CTIF: variants seen among roughly 807,000 people sequenced by gnomAD.
CTIF encodes CBP80/20-dependent translation initiation factor.
Under a neutral mutation model 66.0 loss-of-function variants are expected in CTIF, and 21 were observed. The observed-to-expected ratio is 0.32, with a 90% CI of 0.23 to 0.46. CTIF has a LOEUF of 0.46. Among genes scored for constraint, CTIF ranks in the 20% least tolerant of loss-of-function variants. The probability of loss-of-function intolerance (pLI) is 1.00; values close to 1 mark genes in which losing one functional copy is unlikely to be tolerated. For missense variants in CTIF, 739 were observed against 812.7 expected (o/e 0.91, Z 1.10); for synonymous variants, 345 against 326.4 (o/e 1.06, Z -0.62).
intron 1 of CTIF, among the ~76,000 whole-genome samples, chr18:48,551,493 G>A (rs1250168641): frequency 6.6e-6 from 1 of 152,142 alleles, no homozygotes; most frequent in Non-Finnish European, 1.5e-5. Context: ...GTGGTCCTCT[G>A]TTATGGCAGC....
intron 1 of CTIF, among the ~76,000 whole-genome samples, chr18:48,615,508 G>A (rs1463156092): frequency 2.0e-5 from 3 of 152,240 alleles, no homozygotes; most frequent in Non-Finnish European, 2.9e-5. Context: ...ATCCCTGGGA[G>A]AGAGTGAAAA....
intron 1 of CTIF, among the ~76,000 whole-genome samples, chr18:48,562,908 A>G: frequency 6.6e-6 from 1 of 152,070 alleles, no homozygotes; most frequent in Admixed American, 6.5e-5. Context: ...TTTGCCTTAG[A>G]CTCTTGTCAT....
chr18:48,666,972 TG>T (rs1312085100), intron 5 of CTIF, among the ~76,000 whole-genome samples: 1 of 152,056 alleles, frequency 6.6e-6, no homozygotes. Context: ...TAGCGGAGCT[TG>T]GGTATGCCAC....
At chr18:48,715,510 G>A (rs1000638744) in intron 7 of CTIF, among the ~76,000 whole-genome samples, 4 of 152,108 alleles carry the variant, frequency 2.6e-5, no homozygotes, top group Non-Finnish European at 4.4e-5. Flanking sequence ...GCTAAGGCTC[G>A]TTCCCCCCCT....
intron 10 of CTIF, among the ~76,000 whole-genome samples, chr18:48,820,315 A>G (rs1407572784): frequency 2.6e-5 from 4 of 152,182 alleles, no homozygotes; most frequent in Admixed American, 1.3e-4. Context: ...TTGCTGCCTC[A>G]TAACCAGGCT....
At chr18:48,840,797 G>A (rs1304464784) in intron 10 of CTIF, among the ~76,000 whole-genome samples, 1 of 152,014 alleles carries the variant, frequency 6.6e-6, no homozygotes, top group Non-Finnish European at 1.5e-5. Flanking sequence ...ACCCACTGCA[G>A]AACCAGCTGC....
chr18:48,579,990 T>G (rs16949525), intron 1 of CTIF, among the ~76,000 whole-genome samples: 3,193 of 152,338 alleles, frequency 0.021, 118 homozygotes, highest in African/African-American at 0.068. Flanking sequence ...GGACAAGTGA[T>G]TCACTCAAGT....
intron 9 of CTIF, among the ~76,000 whole-genome samples, chr18:48,768,174 C>T (rs1909754529): frequency 6.6e-6 from 1 of 152,116 alleles, no homozygotes; most frequent in Admixed American, 6.5e-5. Flanking sequence ...AAGTCATTCC[C>T]CTTTGTCAGA....
At chr18:48,645,446 C>G (rs1470782355) in intron 3 of CTIF, among the ~76,000 whole-genome samples, 2 of 152,150 alleles carry the variant, frequency 1.3e-5, no homozygotes, top group South Asian at 2.1e-4. Context: ...CAGAACACAT[C>G]CCCACCCCCA....
At chr18:48,794,567 C>A (rs1599056293) in intron 9 of CTIF, among the ~76,000 whole-genome samples, 1 of 152,148 alleles carries the variant, frequency 6.6e-6, no homozygotes, top group Non-Finnish European at 1.5e-5. Context: ...AGCCAACTGC[C>A]TGAGGTGGGG....
chr18:48,598,365 C>T (rs1010910860), intron 1 of CTIF, among the ~76,000 whole-genome samples: 1 of 152,210 alleles, frequency 6.6e-6, no homozygotes, highest in Non-Finnish European at 1.5e-5. Context: ...AGTGTGCTGT[C>T]ATTAGCAAGG....
intron 2 of CTIF, among the ~76,000 whole-genome samples, chr18:48,629,811 C>T (rs1264852947): frequency 6.6e-6 from 1 of 152,144 alleles, no homozygotes; most frequent in Non-Finnish European, 1.5e-5. Context: ...GTGCTTCAGT[C>T]TCCATGTTTG....
At chr18:48,543,665 A>G (rs1438146996) in intron 1 of CTIF, among the ~76,000 whole-genome samples, 2 of 152,088 alleles carry the variant, frequency 1.3e-5, no homozygotes, top group Non-Finnish European at 2.9e-5. Context: ...TCACGTGAAG[A>G]CCTGAAGCCT....
intron 10 of CTIF, among the ~76,000 whole-genome samples, chr18:48,849,744 C>T (rs143748240): frequency 0.015 from 2,282 of 152,000 alleles, 53 homozygotes; most frequent in African/African-American, 0.053. Flanking sequence ...CACCACCACA[C>T]CCAGCTAATT....
At chr18:48,833,086 C>T (rs2068729624) in intron 10 of CTIF, among the ~76,000 whole-genome samples, 2 of 152,310 alleles carry the variant, frequency 1.3e-5, no homozygotes, top group Admixed American at 1.3e-4. Flanking sequence ...AGGCGAGAGG[C>T]TGCCCCAGGC....
intron 6 of CTIF, among the ~76,000 whole-genome samples, chr18:48,676,320 C>T (rs1181849809): frequency 6.6e-6 from 1 of 152,234 alleles, no homozygotes; most frequent in Non-Finnish European, 1.5e-5. Flanking sequence ...CTGCCCAGGG[C>T]TTTCTATCAG....
intron 1 of CTIF, among the ~76,000 whole-genome samples, chr18:48,557,967 G>A (rs928616923): frequency 6.6e-6 from 1 of 152,216 alleles, no homozygotes; most frequent in African/African-American, 2.4e-5. Flanking sequence ...TATTTATGCT[G>A]GGGATTAGGG....
chr18:48,811,853 A>G (rs2068264535), intron 9 of CTIF, among the ~76,000 whole-genome samples: 1 of 152,216 alleles, frequency 6.6e-6, no homozygotes, highest in Non-Finnish European at 1.5e-5. Context: ...CAGTAATGCT[A>G]CATACTGACA....
chr18:48,834,481 C>G (rs1245118237), intron 10 of CTIF, among the ~76,000 whole-genome samples: 3 of 152,230 alleles, frequency 2.0e-5, no homozygotes, highest in East Asian at 1.9e-4. Context: ...CCTGATCCCG[C>G]TGTGTGGTTC....
Sources: allele counts gnomAD v4.1 joint callset (sites outside exome capture counted in the v4.1 genomes callset), GRCh38; gene constraint gnomAD v4.1.1; transcripts MANE v1.5; gene names NCBI Gene and HGNC (gene_info 2026-07-23, HGNC 2026-07-21).